Variants in ZFAND3 observed in about 807,000 individuals in gnomAD.
The protein encoded by ZFAND3 is zinc finger AN1-type containing 3.
In ZFAND3, 10 loss-of-function variants were observed where a neutral mutation model predicts 29.6. The ratio of observed to expected loss-of-function variants is 0.34; its 90% CI spans 0.21 to 0.57. The LOEUF is 0.57. Among genes scored for constraint, ZFAND3 ranks in the 20% least tolerant of loss-of-function variants. The pLI, the probability that ZFAND3 is intolerant of heterozygous loss-of-function variation, is 0.86. For synonymous variants in ZFAND3, 128 were observed against 112.6 expected (o/e 1.14, Z -0.87); for missense variants, 230 against 304.5 (o/e 0.76, Z 1.82).
chr6:37,970,564 T>C (rs539511007), intron 2 of ZFAND3, among the ~76,000 whole-genome samples: 1 of 152,104 alleles, frequency 6.6e-6, no homozygotes, highest in Non-Finnish European at 1.5e-5. Flanking sequence ...AACAGAAAGA[T>C]TGGAATAGGA....
At chr6:38,001,423 C>G (rs1238731104) in intron 2 of ZFAND3, among the ~76,000 whole-genome samples, 1 of 152,172 alleles carries the variant, frequency 6.6e-6, no homozygotes, top group African/African-American at 2.4e-5. Flanking sequence ...GTAAGACAGT[C>G]TGTGTTCTGT....
chr6:37,933,714 C>T (rs533536652), intron 2 of ZFAND3, among the ~76,000 whole-genome samples: 26 of 152,022 alleles, frequency 1.7e-4, no homozygotes, highest in Non-Finnish European at 3.4e-4. Flanking sequence ...GCTAAAGACT[C>T]GAAGCTCAAC....
intron 2 of ZFAND3, among the ~76,000 whole-genome samples, chr6:38,022,931 C>T (rs1763378360): frequency 6.6e-6 from 1 of 152,128 alleles, no homozygotes; most frequent in African/African-American, 2.4e-5. Context: ...GTTTTGTTTT[C>T]TTTCCTTTTT....
intron 1 of ZFAND3, among the ~76,000 whole-genome samples, chr6:37,900,000 T>TA (rs1332607569): frequency 6.6e-6 from 1 of 152,214 alleles, no homozygotes; most frequent in African/African-American, 2.4e-5. Context: ...TATGTAGAAT[T>TA]ACGTCATTCT....
intron 1 of ZFAND3, among the ~76,000 whole-genome samples, chr6:37,874,853 G>T (rs944464407): frequency 1.3e-5 from 2 of 152,162 alleles, no homozygotes; most frequent in Non-Finnish European, 2.9e-5. Flanking sequence ...GGTATTACAG[G>T]TGTGAGCTAC....
intron 4 of ZFAND3, among the ~76,000 whole-genome samples, chr6:38,097,248 C>CCTT (rs1491155525): frequency 8.1e-6 from 1 of 124,048 alleles, no homozygotes; most frequent in Non-Finnish European, 1.8e-5. Context: ...GTTAATTTTT[C>CCTT]ATTTTTTTTT....
chr6:37,893,983 C>T (rs181210679), intron 1 of ZFAND3, among the ~76,000 whole-genome samples: 288 of 151,952 alleles, frequency 1.9e-3, no homozygotes, highest in African/African-American at 6.4e-3. Flanking sequence ...GGCTGGGTGC[C>T]GTGGCTGACA....
intron 1 of ZFAND3, among the ~76,000 whole-genome samples, chr6:37,825,142 T>C (rs1034835227): frequency 1.3e-5 from 2 of 152,192 alleles, no homozygotes; most frequent in African/African-American, 2.4e-5. Context: ...GTGTGTGGAC[T>C]TCACACTCAT....
chr6:37,847,372 G>A (rs1236350506), intron 1 of ZFAND3, among the ~76,000 whole-genome samples: 2 of 151,950 alleles, frequency 1.3e-5, no homozygotes, highest in Admixed American at 1.3e-4. Context: ...TCAGGAGATC[G>A]AGACCATCCT....
chr6:38,000,804 G>A (rs2453885), intron 2 of ZFAND3, among the ~76,000 whole-genome samples: 3 of 152,152 alleles, frequency 2.0e-5, no homozygotes, highest in Admixed American at 6.5e-5. Context: ...CCATAACTCA[G>A]TTCTCTTGTG....
chr6:37,845,789 T>A (rs987780487), intron 1 of ZFAND3, among the ~76,000 whole-genome samples: 2 of 152,204 alleles, frequency 1.3e-5, no homozygotes, highest in African/African-American at 4.8e-5. Flanking sequence ...AATGATGAAA[T>A]GGGTTGAAAC....
chr6:38,039,048 A>G (rs1383138081), intron 2 of ZFAND3, among the ~76,000 whole-genome samples: 5 of 152,214 alleles, frequency 3.3e-5, no homozygotes, highest in African/African-American at 9.6e-5. Flanking sequence ...TGGAATCACC[A>G]TACTATACTG....
At chr6:38,079,676 G>C (rs896201337) in intron 3 of ZFAND3, among the ~76,000 whole-genome samples, 6 of 152,126 alleles carry the variant, frequency 3.9e-5, no homozygotes, top group Admixed American at 3.9e-4. Context: ...TGTTACCCTT[G>C]TGCACTGTGC....
intron 2 of ZFAND3, among the ~76,000 whole-genome samples, chr6:37,996,106 G>A (rs1278074703): frequency 1.3e-5 from 2 of 151,174 alleles, no homozygotes; most frequent in Non-Finnish European, 2.9e-5. Context: ...TCCAGCCTGG[G>A]CTACAAGAGC....
chr6:37,867,429 T>C (rs1317488708), intron 1 of ZFAND3, among the ~76,000 whole-genome samples: 2 of 152,156 alleles, frequency 1.3e-5, no homozygotes, highest in African/African-American at 2.4e-5. Context: ...TAGAAATACA[T>C]CTTCAAATTA....
intron 4 of ZFAND3, among the ~76,000 whole-genome samples, chr6:38,102,819 C>G (rs567359823): frequency 6.6e-6 from 1 of 152,126 alleles, no homozygotes; most frequent in Non-Finnish European, 1.5e-5. Flanking sequence ...TGCAGTGGCG[C>G]GATCTCGGCT....
Position 37,849,464 on chromosome 6 carries a change from A to G in ZFAND3, c.71+29448A>G, listed in dbSNP as rs1764243818. 1.3e-5 allele frequency among the ~76,000 whole-genome samples: 2 copies of G among 152,172 alleles called. 1 individual carries two copies. The highest frequency in any genetic ancestry group is 4.1e-4 in the South Asian group (2 of 4,832). Reference sequence around the variant, plus strand: ...GCTTTTATTGCCCAGGCTGGAGTGCAGTGGCGTGATCTTGGCTCACTGCAA... The same window carrying G: ...GCTTTTATTGCCCAGGCTGGAGTGCGGTGGCGTGATCTTGGCTCACTGCAA... On this transcript the variant is annotated intron_variant, in intron 1 of 5. Coordinates refer to ENST00000287218, the MANE Select transcript of ZFAND3 (RefSeq NM_021943.3).
chr6:38,038,084 A>G (rs889433264), intron 2 of ZFAND3, among the ~76,000 whole-genome samples: 3 of 152,222 alleles, frequency 2.0e-5, no homozygotes, highest in Non-Finnish European at 2.9e-5. Context: ...GTCTGCGTGT[A>G]GGGCCTCCAG....
chr6:37,943,023 CAA>C (rs1232141409), intron 2 of ZFAND3, among the ~76,000 whole-genome samples: 6 of 151,750 alleles, frequency 4.0e-5, no homozygotes, highest in African/African-American at 7.3e-5. Flanking sequence ...CCTATGCAAA[CAA>C]GAGAGAACAA....
Sources: gnomAD v4.1 joint callset for allele counts (sites outside exome capture counted in the v4.1 genomes callset) on GRCh38, gnomAD v4.1.1 for gene constraint, MANE v1.5 for transcripts, NCBI Gene and HGNC (gene_info 2026-07-23, HGNC 2026-07-21) for gene names.